OPA1: variants seen among roughly 807,000 people sequenced by gnomAD.
OPA1 encodes the protein OPA1 mitochondrial dynamin like GTPase.
OPA1 carries 59 observed loss-of-function variants against 152.9 expected under a neutral mutation model. That is an observed-to-expected ratio of 0.39 (90% CI 0.31 to 0.48). The LOEUF is 0.48. Ranked by LOEUF, OPA1 falls within the 20% of genes least tolerant of loss-of-function variation. The pLI is 0.96. For synonymous variants in OPA1, 400 were observed against 389.9 expected (o/e 1.03, Z -0.31); for missense variants, 1,008 against 1,216.8 (o/e 0.83, Z 2.55).
intron 1 of OPA1, among the ~76,000 whole-genome samples, chr3:193,604,983 G>A (rs1241884915): frequency 2.0e-5 from 3 of 152,108 alleles, no homozygotes; most frequent in Non-Finnish European, 2.9e-5. Context: ...CTCCTTAATA[G>A]GAGAGCATAA....
chr3:193,593,674 T>C (rs1725017907), intron 1 of OPA1, among the ~76,000 whole-genome samples: 1 of 152,282 alleles, frequency 6.6e-6, no homozygotes, highest in Middle Eastern at 3.4e-3. Flanking sequence ...GTCTCTATTG[T>C]CCTTTTGTCT....
chr3:193,626,862 T>C (rs1464659594), intron 7 of OPA1, among the ~76,000 whole-genome samples: 3 of 152,328 alleles, frequency 2.0e-5, no homozygotes, highest in Non-Finnish European at 4.4e-5. Flanking sequence ...CTTAAGTGTA[T>C]ACCAATATGT....
chr3:193,622,212 A>G (rs928935960), intron 6 of OPA1, among the ~76,000 whole-genome samples: 4 of 147,748 alleles, frequency 2.7e-5, no homozygotes, highest in African/African-American at 7.5e-5. Flanking sequence ...TTCTTGCAAC[A>G]TATTACTCTC....
intron 8 of OPA1, among the ~76,000 whole-genome samples, chr3:193,634,025 G>C (rs1008179793): frequency 6.6e-6 from 1 of 152,120 alleles, no homozygotes; most frequent in African/African-American, 2.4e-5. Context: ...TTGCTGTAAG[G>C]ATAGAACCAT....
At chr3:193,628,543 C>T (rs1257039112) in intron 7 of OPA1, 1 of 152,184 alleles carries the variant, frequency 6.6e-6, no homozygotes, top group Non-Finnish European at 1.5e-5. Flanking sequence ...TCCGCTCTTT[C>T]TCCATCAGTT....
chr3:193,680,558 G>C lies in OPA1; in HGVS notation c.2984-11505G>C, dbSNP rs550971761. On this transcript the variant is annotated intron_variant, in intron 29 of 30. Coordinates refer to ENST00000361510, the MANE Select transcript of OPA1 (RefSeq NM_130837.3). ...ACAGAAGGGGCCTTCTTATAAATCT[G>C]TCTTTGCAGGTGATAAATGATGCCT... is the stretch of plus-strand genomic sequence containing the variant. 1.3e-3 allele frequency among the ~76,000 whole-genome samples: 194 copies of C among 152,292 alleles called. 1 individual carries two copies. The Middle Eastern group carries it at 0.014, about 11-fold the overall frequency.
At chr3:193,659,759 A>T (rs1435746796) in intron 25 of OPA1, among the ~76,000 whole-genome samples, 198 bp downstream of exon 25, 1 of 152,168 alleles carries the variant, frequency 6.6e-6, no homozygotes, top group Non-Finnish European at 1.5e-5. Flanking sequence ...TGAAGTAGCC[A>T]TGTTGTTAAA....
intron 30 of OPA1, among the ~76,000 whole-genome samples, chr3:193,694,205 C>T (rs1025398628): frequency 2.6e-5 from 4 of 152,168 alleles, no homozygotes; most frequent in African/African-American, 9.7e-5. Context: ...CCTGCAGATG[C>T]ATTTAAAAGA....
intron 21 of OPA1, among the ~76,000 whole-genome samples, chr3:193,651,491 A>G (rs897736552): frequency 3.3e-5 from 5 of 152,244 alleles, no homozygotes; most frequent in African/African-American, 4.8e-5. Flanking sequence ...CTAGGAATAT[A>G]TGCAAATGAT....
chr3:193,663,736 A>G (rs1467877384), intron 26 of OPA1, among the ~76,000 whole-genome samples: 3 of 152,126 alleles, frequency 2.0e-5, no homozygotes, highest in African/African-American at 7.2e-5. Flanking sequence ...TACTTGAGGG[A>G]TGAGTATACT....
intron 1 of OPA1, among the ~76,000 whole-genome samples, chr3:193,607,268 T>C (rs889230163): frequency 1.2e-4 from 19 of 152,228 alleles, no homozygotes; most frequent in Non-Finnish European, 8.8e-5. Flanking sequence ...CTCTTTACTT[T>C]AATGAGATCC....
In OPA1 at chr3:193,668,374, G is replaced by A. The variant is rs751153955; in HGVS notation, c.2983+1094G>A. The A allele has an allele frequency of 7.5e-5, 117 of 1,551,196 alleles. No homozygotes were observed. The South Asian group carries it at 7.6e-4, about 10-fold the overall frequency. Reference sequence around the variant, plus strand: ...ACACACCAGGCCACCACATGGCGCCGCACCCAGCATTGACACTTCTTTTAC... The same window carrying A: ...ACACACCAGGCCACCACATGGCGCCACACCCAGCATTGACACTTCTTTTAC... On this transcript the variant is annotated intron_variant, in intron 29 of 30. Coordinates refer to ENST00000361510, the MANE Select transcript of OPA1 (RefSeq NM_130837.3).
At chr3:193,666,239 G>A (rs1229385537) in intron 27 of OPA1, 57 bp from the exon 28 acceptor site, 6 of 1,440,662 alleles carry the variant, frequency 4.2e-6, no homozygotes, top group Non-Finnish European at 2.9e-6. Flanking sequence ...ATGTGTTTAC[G>A]ATGATAGTTT....
At chr3:193,665,032 G>A (rs781624653) in intron 27 of OPA1, 36 bp downstream of exon 27, 1 of 1,146,232 alleles carries the variant, frequency 8.7e-7, no homozygotes, top group South Asian at 1.2e-5. Context: ...GTATTTTTAA[G>A]CAACAGTTGT....
rs578015501 is a variant in OPA1 at position 193,668,843 on chromosome 3, T to C, written c.2983+1563T>C. 9.2e-6 allele frequency: 10 copies of C among 1,087,540 alleles called. No individual in the cohort carries two copies. The South Asian group carries it at 2.1e-4, about 23-fold the overall frequency. The allele number at this position is 1,087,540 out of a possible 1,614,324, so 67.4% of individuals were successfully genotyped here. A position where few individuals can be genotyped will look rare whatever the true frequency, so the allele number is the denominator to read the frequency against. ...TTCCTAGCTTTAAGATAGGATTGCA[T>C]ACTAAAATTTACTTAGATCTTTGAG... On this transcript the variant is annotated intron_variant, in intron 29 of 30. Transcript: ENST00000361510.
chr3:193,623,320 A>G (rs1019211663), intron 6 of OPA1, among the ~76,000 whole-genome samples: 11 of 152,212 alleles, frequency 7.2e-5, no homozygotes, highest in African/African-American at 2.2e-4. Flanking sequence ...AATTCAGACC[A>G]TAGTATAATA....
chr3:193,596,538 C>T (rs886460230), intron 1 of OPA1, among the ~76,000 whole-genome samples: 5 of 151,794 alleles, frequency 3.3e-5, no homozygotes, highest in Admixed American at 6.6e-5. Context: ...CTGCATTTGG[C>T]GGCAACTTAA....
chr3:193,605,622 C>T (rs1421217042), intron 1 of OPA1, among the ~76,000 whole-genome samples: 1 of 152,146 alleles, frequency 6.6e-6, no homozygotes. Context: ...CAATTTCTGC[C>T]TGTAGACAGC....
At chr3:193,648,158 T>C in intron 20 of OPA1, 24 bp downstream of exon 20, 1 of 1,521,020 alleles carries the variant, frequency 6.6e-7, no homozygotes, top group Non-Finnish European at 9.1e-7. Flanking sequence ...ACTCGTGTAT[T>C]TTGTATATAT....
Sources: allele counts gnomAD v4.1 joint callset (sites outside exome capture counted in the v4.1 genomes callset), GRCh38; gene constraint gnomAD v4.1.1; transcripts MANE v1.5; gene names NCBI Gene and HGNC (gene_info 2026-07-23, HGNC 2026-07-21).